Variants in CNTN5 observed in about 807,000 individuals in gnomAD.
The protein encoded by CNTN5 is contactin 5.
In CNTN5, 77 loss-of-function variants were observed where a neutral mutation model predicts 129.1. The ratio of observed to expected loss-of-function variants is 0.60; its 90% CI spans 0.50 to 0.72. The LOEUF is 0.72. Ranked by LOEUF, CNTN5 falls within the 30% of genes least tolerant of loss-of-function variation. The probability of loss-of-function intolerance (pLI) is 0.00; values close to 1 mark genes in which losing one functional copy is unlikely to be tolerated. For missense variants in CNTN5, 1,478 were observed against 1,328.8 expected (o/e 1.11, Z -1.75); for synonymous variants, 509 against 465.6 (o/e 1.09, Z -1.20).
At chr11:99,380,917 G>A (rs567364760) in intron 2 of CNTN5, among the ~76,000 whole-genome samples, 31 of 152,226 alleles carry the variant, frequency 2.0e-4, no homozygotes, top group Admixed American at 1.8e-3. Context: ...TTTCTTATCT[G>A]ATGCAGTGGA....
rs752286687 is a variant in CNTN5 at position 100,270,359 on chromosome 11, A to G, written c.2165-733A>G. 2.5e-4 allele frequency among the ~76,000 whole-genome samples: 38 copies of G among 152,342 alleles called. 4 individuals are homozygous for G. Among genetic ancestry groups the G allele is most frequent in the Admixed American group, 1.6e-3 (24 of 15,304 alleles). On this transcript the variant is annotated intron_variant, in intron 17 of 24. Transcript: ENST00000524871. ...GCCTACAAAGAAATCCAAGAATGAT[A>G]TAAATCCAGAGGATCTTTGCATGCT... is the stretch of plus-strand genomic sequence containing the variant.
intron 2 of CNTN5, among the ~76,000 whole-genome samples, chr11:99,327,002 T>C (rs1218410434): frequency 1.3e-5 from 2 of 152,206 alleles, no homozygotes; most frequent in African/African-American, 4.8e-5. Flanking sequence ...ATTTCCTATA[T>C]ATAAACATTT....
At chr11:99,911,540 T>C (rs948718431) in intron 6 of CNTN5, among the ~76,000 whole-genome samples, 1 of 151,982 alleles carries the variant, frequency 6.6e-6, no homozygotes, top group African/African-American at 2.4e-5. Context: ...CAAGCTATTA[T>C]ATTTAACATA....
At chr11:100,237,188 C>CAAAAAA (rs397977189) in intron 16 of CNTN5, among the ~76,000 whole-genome samples, 42 of 70,652 alleles carry the variant, frequency 5.9e-4, no homozygotes, top group Non-Finnish European at 7.8e-4. Flanking sequence ...GACTCCGTCT[C>CAAAAAA]AAAAAAAAAA....
intron 1 of CNTN5, among the ~76,000 whole-genome samples, chr11:99,277,164 T>C (rs1429531617): frequency 6.6e-6 from 1 of 151,634 alleles, no homozygotes; most frequent in Admixed American, 6.6e-5. Flanking sequence ...TTGATTTGAA[T>C]TAGAAGCAAT....
At chr11:100,263,945 T>C (rs1412257793) in intron 17 of CNTN5, among the ~76,000 whole-genome samples, 1 of 152,172 alleles carries the variant, frequency 6.6e-6, no homozygotes, top group African/African-American at 2.4e-5. Flanking sequence ...CCTATGCCCA[T>C]AGCAATCCAG....
chr11:99,213,944 G>A (rs1859973460), intron 1 of CNTN5, among the ~76,000 whole-genome samples: 1 of 152,056 alleles, frequency 6.6e-6, no homozygotes, highest in South Asian at 2.1e-4. Context: ...TAAAAAGATG[G>A]ATAATGTATT....
chr11:99,830,600 G>T (rs1947108793), intron 4 of CNTN5, among the ~76,000 whole-genome samples: 1 of 152,046 alleles, frequency 6.6e-6, no homozygotes. Flanking sequence ...GGGGGAAATT[G>T]TATTTTATTT....
intron 1 of CNTN5, among the ~76,000 whole-genome samples, chr11:99,212,405 A>G (rs545698055): frequency 7.9e-5 from 12 of 152,290 alleles, no homozygotes; most frequent in African/African-American, 2.6e-4. Flanking sequence ...AATATTTCTT[A>G]TAAGTCTTTT....
intron 3 of CNTN5, among the ~76,000 whole-genome samples, chr11:99,728,607 C>A (rs998153606): frequency 6.6e-6 from 1 of 152,140 alleles, no homozygotes; most frequent in Non-Finnish European, 1.5e-5. Flanking sequence ...TGATGTAGAA[C>A]AAAGTTGTCG....
At chr11:99,069,903 G>C (rs533839042) in intron 1 of CNTN5, among the ~76,000 whole-genome samples, 3 of 152,140 alleles carry the variant, frequency 2.0e-5, no homozygotes, top group Admixed American at 6.6e-5. Flanking sequence ...CAGCCCTCAG[G>C]CTTGTTTTCT....
chr11:99,793,249 C>T (rs965235021), intron 3 of CNTN5, among the ~76,000 whole-genome samples: 15 of 152,074 alleles, frequency 9.9e-5, no homozygotes, highest in African/African-American at 2.9e-4. Flanking sequence ...TTAGTAGAGA[C>T]GGGGTTTCAC....
intron 7 of CNTN5, among the ~76,000 whole-genome samples, chr11:99,938,098 C>G (rs184759401): frequency 7.9e-5 from 12 of 152,076 alleles, no homozygotes; most frequent in Non-Finnish European, 1.6e-4. Context: ...CAAAATAAAT[C>G]AAAAGGAATT....
At chr11:100,213,781 T>C (rs1259510498) in intron 15 of CNTN5, among the ~76,000 whole-genome samples, 1 of 152,228 alleles carries the variant, frequency 6.6e-6, no homozygotes, top group African/African-American at 2.4e-5. Flanking sequence ...CTGACATTGA[T>C]GTGTTTTAAT....
chr11:100,276,609 T>G (rs1284641594), intron 18 of CNTN5, among the ~76,000 whole-genome samples: 8 of 151,938 alleles, frequency 5.3e-5, no homozygotes, highest in Admixed American at 3.9e-4. Flanking sequence ...CAGTCCAATT[T>G]CTTAGTATTA....
chr11:100,223,323 C>T (rs1204663643), intron 15 of CNTN5, among the ~76,000 whole-genome samples: 1 of 151,954 alleles, frequency 6.6e-6, no homozygotes, highest in Non-Finnish European at 1.5e-5. Flanking sequence ...AAGCAAAACA[C>T]AACAGAAATT....
chr11:99,303,771 A>G (rs930735384), intron 1 of CNTN5, among the ~76,000 whole-genome samples: 1 of 152,018 alleles, frequency 6.6e-6, no homozygotes, highest in Admixed American at 6.6e-5. Context: ...AAGAATGCCT[A>G]TGGTTGATAT....
intron 2 of CNTN5, among the ~76,000 whole-genome samples, chr11:99,480,615 A>G (rs1945558062): frequency 6.6e-6 from 1 of 152,186 alleles, no homozygotes; most frequent in African/African-American, 2.4e-5. Flanking sequence ...TTTATTCTAC[A>G]ATCTTTGCTT....
rs1408398657 is a variant in CNTN5, at chr11:100,135,212, G to C, written c.1581-55914G>C. 3.0e-5 allele frequency among the ~76,000 whole-genome samples: 4 copies of C among 131,422 alleles called. No homozygotes were observed. In the East Asian group the frequency reaches 9.8e-4, roughly 32 times the overall value. The allele number at this position is 131,422 out of a possible 152,430, so 86.2% of individuals were successfully genotyped here. On this transcript the variant is annotated intron_variant, in intron 13 of 24. Transcript: ENST00000524871. ...TTTTTTTGAGACAGAATCTCATTCT[G>C]TCATTCAGGCTGGAGTGCAGTGGCA...
Sources: gnomAD v4.1 joint callset for allele counts (sites outside exome capture counted in the v4.1 genomes callset) on GRCh38, gnomAD v4.1.1 for gene constraint, MANE v1.5 for transcripts, NCBI Gene and HGNC (gene_info 2026-07-23, HGNC 2026-07-21) for gene names.